The following LHFPL3 variants were observed in gnomAD, a reference collection of about 807,000 sequenced individuals.
LHFPL3 encodes LHFPL tetraspan subfamily member 3, also known as LHFPL tetraspan subfamily member 3 protein.
LHFPL3 carries 5 observed loss-of-function variants against 19.3 expected under a neutral mutation model. That is an observed-to-expected ratio of 0.26 (90% CI 0.14 to 0.54). The LOEUF (loss-of-function observed/expected upper bound fraction) is 0.54. Ranked by LOEUF, LHFPL3 falls within the 20% of genes least tolerant of loss-of-function variation. The pLI, the probability that LHFPL3 is intolerant of heterozygous loss-of-function variation, is 0.94. For missense variants in LHFPL3, 249 were observed against 307.4 expected, an observed-to-expected ratio of 0.81 and a Z score of 1.42; for synonymous variants, 133 against 126.2, an observed-to-expected ratio of 1.05 and a Z score of -0.36.
intron 1 of LHFPL3, among the ~76,000 whole-genome samples, chr7:104,413,824 A>C (rs1050338955): frequency 1.3e-5 from 2 of 152,212 alleles, no homozygotes; most frequent in Admixed American, 6.5e-5. Context: ...ACCGTACTCT[A>C]TTCCCATAAG....
chr7:104,903,183 A>G (rs1246970558), intron 2 of LHFPL3, among the ~76,000 whole-genome samples: 3 of 152,110 alleles, frequency 2.0e-5, no homozygotes, highest in East Asian at 3.9e-4. Flanking sequence ...CCTTAGATAC[A>G]TGTACTTCCT....
chr7:104,333,804 T>G (rs1446944244), intron 1 of LHFPL3, among the ~76,000 whole-genome samples: 2 of 152,234 alleles, frequency 1.3e-5, no homozygotes, highest in Admixed American at 6.5e-5. Context: ...TTATTTAATT[T>G]CTGTCTTCTC....
intron 1 of LHFPL3, among the ~76,000 whole-genome samples, chr7:104,670,267 G>T (rs543245633): frequency 6.6e-6 from 1 of 152,066 alleles, no homozygotes; most frequent in Admixed American, 6.5e-5. Flanking sequence ...GGGAATTGAT[G>T]AGTCATTTTG....
Position 104,560,780 on chromosome 7 carries a change from T to A in LHFPL3, c.446-175895T>A, listed in dbSNP as rs558340766. 2.7e-5 allele frequency among the ~76,000 whole-genome samples: 4 copies of A among 147,826 alleles called. No individual in the cohort carries two copies. In the East Asian group the frequency reaches 7.8e-4, roughly 29 times the overall value. Reference sequence around the variant, plus strand: ...TTCTTTTAATTGTGATGTTAGGGTGTCAATTTTGGATCTTTCCTGCTTTCT... The same window carrying A: ...TTCTTTTAATTGTGATGTTAGGGTGACAATTTTGGATCTTTCCTGCTTTCT... On this transcript the variant is annotated intron_variant, in intron 1 of 2. Coordinates refer to ENST00000424859, the MANE Select transcript of LHFPL3 (RefSeq NM_199000.3).
At chr7:104,840,308 CTTTT>C (rs67980957) in intron 2 of LHFPL3, among the ~76,000 whole-genome samples, 1 of 118,376 alleles carries the variant, frequency 8.4e-6, no homozygotes, top group Non-Finnish European at 1.6e-5. Flanking sequence ...TGTGGGTTTT[CTTTT>C]TTTTTTTTTT....
At chr7:104,820,438 T>C (rs1790654150) in intron 2 of LHFPL3, among the ~76,000 whole-genome samples, 1 of 152,172 alleles carries the variant, frequency 6.6e-6, no homozygotes, top group South Asian at 2.1e-4. Flanking sequence ...CCATGCCTTG[T>C]CAAACCAGAG....
chr7:104,393,230 A>G (rs1029811488), intron 1 of LHFPL3, among the ~76,000 whole-genome samples: 18 of 152,188 alleles, frequency 1.2e-4, no homozygotes, highest in African/African-American at 4.1e-4. Context: ...ATGTAAGATG[A>G]TGAAGCAAGT....
intron 1 of LHFPL3, among the ~76,000 whole-genome samples, chr7:104,385,496 T>C (rs2214084): frequency 0.41 from 62,805 of 152,020 alleles, 13,339 homozygotes; most frequent in Admixed American, 0.54. Context: ...GAAGGCTGGA[T>C]TTGGCACCAG....
At chr7:104,495,423 G>A (rs893394432) in intron 1 of LHFPL3, among the ~76,000 whole-genome samples, 9 of 151,992 alleles carry the variant, frequency 5.9e-5, no homozygotes, top group Admixed American at 2.0e-4. Context: ...TTGCTCTGTC[G>A]CCCAGGCTGG....
At chr7:104,737,562 A>C (rs1161757675) in intron 2 of LHFPL3, among the ~76,000 whole-genome samples, 1 of 152,212 alleles carries the variant, frequency 6.6e-6, no homozygotes, top group Non-Finnish European at 1.5e-5. Context: ...TTGACTATTG[A>C]ATGATACGTA....
intron 1 of LHFPL3, among the ~76,000 whole-genome samples, chr7:104,735,704 G>T (rs936466822): frequency 6.6e-6 from 1 of 152,208 alleles, no homozygotes; most frequent in South Asian, 2.1e-4. Flanking sequence ...GCTTACGCTC[G>T]GTGCACTGCA....
intron 1 of LHFPL3, among the ~76,000 whole-genome samples, chr7:104,414,389 G>A (rs544034996): frequency 6.6e-6 from 1 of 152,294 alleles, no homozygotes; most frequent in African/African-American, 2.4e-5. Flanking sequence ...AAAGCATTCT[G>A]TAGAAGGACA....
In LHFPL3 at chr7:104,750,790, C is replaced by G. The variant is rs192811942; in HGVS notation, c.682+13879C>G. Among the ~76,000 whole-genome samples, 1,087 of 152,276 alleles carry G rather than the reference C, an allele frequency of 7.1e-3. 9 individuals are homozygous for G. The highest frequency in any genetic ancestry group is 0.024 in the African/African-American group (983 of 41,570). On this transcript the variant is annotated intron_variant, in intron 2 of 2. Coordinates refer to ENST00000424859, the MANE Select transcript of LHFPL3 (RefSeq NM_199000.3). ...TGTTGTCCCTGAAAACCCTGAGGAACAAATGGCTGAATTGGGAATGCCCCA... is the reference window on the plus strand; with the variant it reads ...TGTTGTCCCTGAAAACCCTGAGGAAGAAATGGCTGAATTGGGAATGCCCCA...
chr7:104,499,973 T>C (rs1793568897), intron 1 of LHFPL3, among the ~76,000 whole-genome samples: 1 of 152,176 alleles, frequency 6.6e-6, no homozygotes, highest in South Asian at 2.1e-4. Context: ...ATGCAGTAAA[T>C]GTATTATTCT....
At chr7:104,380,558 T>A (rs1756636145) in intron 1 of LHFPL3, among the ~76,000 whole-genome samples, 1 of 152,090 alleles carries the variant, frequency 6.6e-6, no homozygotes, top group African/African-American at 2.4e-5. Context: ...TGTAAACATA[T>A]CTGGGATATT....
intron 2 of LHFPL3, among the ~76,000 whole-genome samples, chr7:104,810,843 T>C (rs1458086784): frequency 2.6e-5 from 4 of 152,238 alleles, no homozygotes; most frequent in African/African-American, 9.6e-5. Context: ...TTGACCAAAT[T>C]GTTTTCCACC....
chr7:104,357,292 CT>C (rs1439841840), intron 1 of LHFPL3, among the ~76,000 whole-genome samples: 1 of 152,134 alleles, frequency 6.6e-6, no homozygotes, highest in Non-Finnish European at 1.5e-5. Flanking sequence ...CCTTTGCTTC[CT>C]TGACAAGTCA....
At chr7:104,462,310 G>T (rs1272744273) in intron 1 of LHFPL3, among the ~76,000 whole-genome samples, 1 of 152,092 alleles carries the variant, frequency 6.6e-6, no homozygotes, top group African/African-American at 2.4e-5. Context: ...GGGCATCCTT[G>T]TCTTGTGCCC....
chr7:104,643,667 AT>A (rs1562956781), intron 1 of LHFPL3, among the ~76,000 whole-genome samples: 1 of 152,200 alleles, frequency 6.6e-6, no homozygotes, highest in Non-Finnish European at 1.5e-5. Flanking sequence ...GAAATAAATT[AT>A]TTGGTCTGAG....
Sources: gnomAD v4.1 joint callset for allele counts (sites outside exome capture counted in the v4.1 genomes callset) on GRCh38, gnomAD v4.1.1 for gene constraint, MANE v1.5 for transcripts, NCBI Gene and HGNC (gene_info 2026-07-23, HGNC 2026-07-21) for gene names.